The following RNF125 variants were observed in gnomAD, a reference collection of about 807,000 sequenced individuals.
The protein encoded by RNF125 is ring finger protein 125, also known as E3 ubiquitin-protein ligase RNF125.
RNF125 carries 21 observed loss-of-function variants against 26.0 expected under a neutral mutation model. The observed-to-expected ratio is 0.81, with a 90% CI of 0.57 to 1.16. RNF125 has a LOEUF of 1.16. Among genes scored for constraint, RNF125 ranks in the 50% most tolerant of loss-of-function variants. RNF125 has a pLI of 0.00. For synonymous variants in RNF125, 95 were observed against 109.2 expected (o/e 0.87, Z 0.81); for missense variants, 270 against 299.4 (o/e 0.90, Z 0.72).
chr18:32,026,388 A>G (rs1189380574), intron 1 of RNF125, among the ~76,000 whole-genome samples: 1 of 151,760 alleles, frequency 6.6e-6, no homozygotes, highest in South Asian at 2.1e-4. Context: ...AGCTGGGACT[A>G]CGAGGGTGTG....
intron 1 of RNF125, 116 bp from the exon 2 acceptor site, chr18:32,037,000 G>A (rs1390174902): frequency 1.0e-5 from 9 of 886,170 alleles, no homozygotes; most frequent in Non-Finnish European, 1.6e-5. Context: ...TAATTTGGTA[G>A]TATGGCTCAT....
chr18:32,031,437 G>T (rs1453616938), intron 1 of RNF125: 2 of 135,826 alleles, frequency 1.5e-5, no homozygotes, highest in African/African-American at 5.6e-5. Context: ...ATAGGGCTCG[G>T]CACCAGTATT....
intron 4 of RNF125, among the ~76,000 whole-genome samples, chr18:32,060,159 T>C (rs2039421464): frequency 6.6e-6 from 1 of 152,168 alleles, no homozygotes; most frequent in Admixed American, 6.5e-5. Flanking sequence ...GTCAACATGC[T>C]CAAGGCCAGG....
rs150583307 is a variant in RNF125 at position 32,057,442 on chromosome 18, C to T, written c.505-8460C>T. Among the ~76,000 whole-genome samples the T allele has an allele frequency of 1.9e-3, 290 of 151,414 alleles. 2 individuals are homozygous for T. The highest frequency in any genetic ancestry group is 6.7e-3 in the African/African-American group (277 of 41,260). The stretch of plus-strand genomic sequence containing the variant: ...CTCTGCCTCCCGGGTTTAAGCGATT[C>T]TCCTGCCTCAGTCTCCCGAGTAGCT... On this transcript the variant is annotated intron_variant, in intron 4 of 5. Coordinates refer to ENST00000217740, the MANE Select transcript of RNF125 (RefSeq NM_017831.4).
At chr18:32,078,999 C>T in the RNF125 span, among the ~76,000 whole-genome samples, 1 of 152,180 alleles carries the variant, frequency 6.6e-6, no homozygotes, top group Non-Finnish European at 1.5e-5. Flanking sequence ...TCTATTGCTA[C>T]AGTTATCACA....
intron 4 of RNF125, among the ~76,000 whole-genome samples, chr18:32,062,284 A>G (rs1465860197): frequency 6.6e-6 from 1 of 152,202 alleles, no homozygotes; most frequent in Admixed American, 6.5e-5. Context: ...AGAGTGTTGG[A>G]TGAACAAATT....
At chr18:32,054,475 T>C (rs1444583537) in intron 4 of RNF125, among the ~76,000 whole-genome samples, 2 of 152,336 alleles carry the variant, frequency 1.3e-5, no homozygotes, top group South Asian at 4.1e-4. Flanking sequence ...AAAAATATAA[T>C]ACTGAACAAA....
intron 3 of RNF125, among the ~76,000 whole-genome samples, chr18:32,044,797 C>T (rs753875312): frequency 6.6e-6 from 1 of 152,096 alleles, no homozygotes; most frequent in Non-Finnish European, 1.5e-5. Flanking sequence ...GTGCATCAGC[C>T]TATATTGTTA....
the RNF125 span, among the ~76,000 whole-genome samples, chr18:32,080,259 C>A: frequency 4.6e-5 from 7 of 152,164 alleles, no homozygotes; most frequent in African/African-American, 9.7e-5. Context: ...AAACTCCTGA[C>A]CTCAGGTGAT....
In RNF125 at chr18:32,036,271, A is replaced by G. The variant is rs113504866; in HGVS notation, c.165-845A>G. Among the ~76,000 whole-genome samples, 767 of 152,006 alleles carry G rather than the reference A, an allele frequency of 5.0e-3. 4 individuals carry two copies. Among genetic ancestry groups the G allele is most frequent in the Middle Eastern group, 6.8e-3 (2 of 294 alleles). On this transcript the variant is annotated intron_variant, in intron 1 of 5. Coordinates refer to ENST00000217740, the MANE Select transcript of RNF125 (RefSeq NM_017831.4). The stretch of plus-strand genomic sequence containing the variant: ...TTCAGTTTTGAAATTTCATTCAACT[A>G]TATGCTTATAAGAACTTTCCAGTAT...
At chr18:32,049,994 G>C (rs969390797) in intron 4 of RNF125, among the ~76,000 whole-genome samples, 1 of 152,078 alleles carries the variant, frequency 6.6e-6, no homozygotes, top group African/African-American at 2.4e-5. Flanking sequence ...ATTCTGGATG[G>C]GTGTGGAAGT....
chr18:32,031,489 A>G (rs905417151), intron 1 of RNF125: 1 of 127,780 alleles, frequency 7.8e-6, no homozygotes, highest in Non-Finnish European at 1.7e-5. Context: ...ATTGTGGGAA[A>G]AAAAAAAAAA....
chr18:32,048,876 C>T (rs1238465811), intron 4 of RNF125, among the ~76,000 whole-genome samples: 1 of 152,092 alleles, frequency 6.6e-6, no homozygotes. Context: ...TAGAAGAAAG[C>T]ATAAGGATGG....
At chr18:32,052,072 G>T (rs2039334490) in intron 4 of RNF125, among the ~76,000 whole-genome samples, 1 of 152,088 alleles carries the variant, frequency 6.6e-6, no homozygotes, top group Non-Finnish European at 1.5e-5. Flanking sequence ...AAACTGTGAT[G>T]ATTACATCCT....
At chr18:32,019,482 C>G (rs2038964792) in intron 1 of RNF125, among the ~76,000 whole-genome samples, 1 of 152,214 alleles carries the variant, frequency 6.6e-6, no homozygotes, top group Non-Finnish European at 1.5e-5. Flanking sequence ...CCCTCTGCCC[C>G]AGAAACCCGG....
At chr18:32,074,939 C>CT (rs1482478058), downstream of RNF125, among the ~76,000 whole-genome samples, 2 of 152,146 alleles carry the variant, frequency 1.3e-5, no homozygotes, top group Non-Finnish European at 2.9e-5. Context: ...ATAGTGATTT[C>CT]TTTTTTTGAA....
chr18:32,059,273 G>A (rs1172197115), intron 4 of RNF125, among the ~76,000 whole-genome samples: 1 of 151,942 alleles, frequency 6.6e-6, no homozygotes, highest in African/African-American at 2.4e-5. Context: ...CCACATCCTC[G>A]TCAGCATCTG....
intron 4 of RNF125, among the ~76,000 whole-genome samples, chr18:32,053,693 G>A (rs1406112712): frequency 2.0e-5 from 3 of 151,976 alleles, no homozygotes; most frequent in African/African-American, 7.3e-5. Flanking sequence ...GCTTGAGCGC[G>A]GGAGGTAGAG....
chr18:32,046,536 G>T (rs1452404832), intron 4 of RNF125, among the ~76,000 whole-genome samples: 2 of 147,850 alleles, frequency 1.4e-5, no homozygotes, highest in Non-Finnish European at 3.0e-5. Context: ...GGCGGAGCTT[G>T]CAGTGAGCTG....
Sources: allele counts gnomAD v4.1 joint callset (sites outside exome capture counted in the v4.1 genomes callset), GRCh38; gene constraint gnomAD v4.1.1; transcripts MANE v1.5; gene names NCBI Gene and HGNC (gene_info 2026-07-23, HGNC 2026-07-21).